The following OR4K1 variants were observed in gnomAD, a reference collection of about 807,000 sequenced individuals.
The protein encoded by OR4K1 is olfactory receptor 4K1.
A neutral mutation model predicts 14.4 loss-of-function variants in OR4K1; 16 were observed. The observed-to-expected ratio is 1.11, with a 90% CI of 0.75 to 1.68. OR4K1 has a LOEUF of 1.68. Ranked by LOEUF, OR4K1 falls within the 40% of genes most tolerant of loss-of-function variation. OR4K1 has a pLI of 0.00. For missense variants in OR4K1, 548 were observed against 376.9 expected, an observed-to-expected ratio of 1.45 and a Z score of -3.76; for synonymous variants, 181 against 133.1, an observed-to-expected ratio of 1.36 and a Z score of -2.48.
At chr14:19,920,266 G>A in the OR4K1 span, among the ~76,000 whole-genome samples, 187 of 152,314 alleles carry the variant, frequency 1.2e-3, no homozygotes, top group African/African-American at 4.2e-3. Context: ...TGTGGAGCTG[G>A]ACTCTAGGTC....
chr14:19,926,230 G>A (rs753663053), upstream of OR4K1, among the ~76,000 whole-genome samples: 11 of 152,144 alleles, frequency 7.2e-5, no homozygotes, highest in South Asian at 2.1e-4. Flanking sequence ...AAAACCTCTC[G>A]TCTTTGTCTT....
chr14:19,921,450 C>G, the OR4K1 span: 2 of 1,614,114 alleles, frequency 1.2e-6, no homozygotes, highest in African/African-American at 2.7e-5. Flanking sequence ...CACCCCCGTC[C>G]TAAACCCCAT....
At chr14:19,922,077 C>CTG in the OR4K1 span, among the ~76,000 whole-genome samples, 13 of 129,438 alleles carry the variant, frequency 1.0e-4, 1 homozygote, top group Non-Finnish European at 1.6e-4. Context: ...ACTCCCCCCC[C>CTG]CAAAAATCAA....
chr14:19,936,464 T>A lies in OR4K1; in HGVS notation c.798T>A (p.Pro266=). ...ATATATGGCCTTTTAGCAGACTTCC[T>A]GTGGACAAATTTCTTTCTGTGTTCT... The part of the protein sequence containing the change: ...YFYIWPFSRL[P]VDKFLSVFYT... The change falls in exon 2 of 2, where the codon CCT becomes CCA. Residue 266 remains proline, a synonymous_variant. Transcript: ENST00000641172. The A allele has an allele frequency of 6.2e-7, 1 of 1,614,072 alleles. No homozygotes were observed. Among genetic ancestry groups the A allele is most frequent in the Non-Finnish European group, 8.5e-7 (1 of 1,180,044 alleles).
At chr14:19,928,358 T>C (rs559992743), upstream of OR4K1, among the ~76,000 whole-genome samples, 6 of 152,312 alleles carry the variant, frequency 3.9e-5, no homozygotes, top group South Asian at 1.2e-3. Flanking sequence ...AGAACTATAC[T>C]TCAGTTATGG....
the OR4K1 span, chr14:19,921,729 G>A: frequency 1.2e-6 from 1 of 841,930 alleles, no homozygotes; most frequent in Non-Finnish European, 1.7e-6. Flanking sequence ...GGTATCAAGT[G>A]AAAGTTAAAT....
At chr14:19,927,509 T>G (rs1882085854), upstream of OR4K1, among the ~76,000 whole-genome samples, 1 of 152,258 alleles carries the variant, frequency 6.6e-6, no homozygotes, top group South Asian at 2.1e-4. Flanking sequence ...TGAACGTATG[T>G]GAGTGGGCTC....
At chr14:19,921,303 A>G in the OR4K1 span, 2 of 1,614,084 alleles carry the variant, frequency 1.2e-6, no homozygotes, top group East Asian at 2.2e-5. Context: ...TTCAGCTGCA[A>G]TGGCAAAGGC....
chr14:19,935,607 A>T, intron 1 of OR4K1, 41 bp from the exon 2 acceptor site: 1 of 1,371,516 alleles, frequency 7.3e-7, no homozygotes, highest in Non-Finnish European at 1.0e-6. Context: ...AGGTATTGTA[A>T]TGCCAATCAT....
the OR4K1 span, chr14:19,920,936 G>A: frequency 2.5e-6 from 4 of 1,614,148 alleles, 1 homozygote; most frequent in South Asian, 4.4e-5. Flanking sequence ...TTACTGGAGG[G>A]GAGATGGTGC....
At chr14:19,922,926 T>C in the OR4K1 span, among the ~76,000 whole-genome samples, 1 of 152,254 alleles carries the variant, frequency 6.6e-6, no homozygotes, top group African/African-American at 2.4e-5. Flanking sequence ...GTGGTTGGAT[T>C]TGTGAATCAT....
the OR4K1 span, among the ~76,000 whole-genome samples, chr14:19,922,173 T>A: frequency 6.6e-6 from 1 of 152,192 alleles, no homozygotes; most frequent in Non-Finnish European, 1.5e-5. Flanking sequence ...ATTTTAAACC[T>A]TTCATTTAAA....
chr14:19,920,614 A>G, the OR4K1 span: 34 of 1,601,908 alleles, frequency 2.1e-5, no homozygotes, highest in South Asian at 2.9e-4. Flanking sequence ...ACCATGGATA[A>G]GTCCAATTCT....
chr14:19,936,114 G>A lies in OR4K1; in HGVS notation c.448G>A (p.Ala150Thr). Residue 150 changes from alanine (A) to threonine (T), a missense_variant, in exon 2 of 2, where the codon GCG becomes ACG. Ala to Thr is a moderately conservative substitution (Grantham distance 58, BLOSUM62 0). Transcript: ENST00000641172. ...LCVIFVSISW[A>T]VGVLHSVSHL... ...TGTAATTTTTGTGTCTATTTCCTGG[G>A]CGGTGGGCGTTCTTCATTCTGTGAG... is the stretch of plus-strand genomic sequence containing the variant. 6.2e-7 allele frequency: 1 copy of A among 1,614,194 alleles called. No individual in the cohort carries two copies. The highest frequency in any genetic ancestry group is 8.5e-7 in the Non-Finnish European group (1 of 1,180,022).
chr14:19,930,491 T>A (rs529088637), upstream of OR4K1, among the ~76,000 whole-genome samples: 11 of 152,362 alleles, frequency 7.2e-5, no homozygotes, highest in East Asian at 1.9e-3. Context: ...ATTTACTCTT[T>A]AAATTACAAA....
At chr14:19,933,298 T>C (rs1386021118) in intron 1 of OR4K1, among the ~76,000 whole-genome samples, 7 of 152,164 alleles carry the variant, frequency 4.6e-5, no homozygotes, top group Admixed American at 2.6e-4. Context: ...CTGCATTTAA[T>C]AGGCTTTCCA....
upstream of OR4K1, among the ~76,000 whole-genome samples, chr14:19,929,083 CTT>C (rs1882125215): frequency 2.6e-5 from 4 of 151,912 alleles, no homozygotes; most frequent in South Asian, 8.3e-4. Context: ...ATAAAAAAAT[CTT>C]CACGTGCTTT....
chr14:19,935,806 T>C lies in OR4K1; in HGVS notation c.140T>C (p.Val47Ala), dbSNP rs145431678. 4.3e-6 allele frequency: 7 copies of C among 1,614,096 alleles called. No homozygotes were observed. Among genetic ancestry groups the C allele is most frequent in the African/African-American group, 1.3e-5 (1 of 74,954 alleles). The change falls in exon 2 of 2, where the codon GTC becomes GCC. Residue 47 changes from valine to alanine, a missense_variant. Coordinates refer to ENST00000641172, the MANE Select transcript of OR4K1 (RefSeq NM_001004063.3). The part of the protein sequence containing the change: ...TSVLGNVLII[V>A]IISFDSHLNS... ...GTGCTAGGCAATGTCTTAATTATTG[T>C]CATTATTTCTTTTGACTCCCATTTG...
chr14:19,921,033 G>A, the OR4K1 span: 5 of 1,614,194 alleles, frequency 3.1e-6, no homozygotes, highest in Non-Finnish European at 3.4e-6. Flanking sequence ...GACATGCACT[G>A]TCTTGGTAAT....
Sources: gnomAD v4.1 joint callset for allele counts (sites outside exome capture counted in the v4.1 genomes callset) on GRCh38, gnomAD v4.1.1 for gene constraint, MANE v1.5 for transcripts, NCBI Gene and HGNC (gene_info 2026-07-23, HGNC 2026-07-21) for gene names.